The following LMX1B variants were observed in gnomAD, a reference collection of about 807,000 sequenced individuals.
LMX1B encodes LIM homeobox transcription factor 1 beta, also known as LIM homeobox transcription factor 1-beta.
LMX1B carries 12 observed loss-of-function variants against 51.4 expected under a neutral mutation model. The observed-to-expected ratio is 0.23, with a 90% confidence interval of 0.15 to 0.38. The LOEUF (loss-of-function observed/expected upper bound fraction) is 0.38. LMX1B is among the 10% of genes least tolerant of loss of function. The probability of loss-of-function intolerance (pLI) is 1.00; values close to 1 mark genes in which losing one functional copy is unlikely to be tolerated. For synonymous variants in LMX1B, 237 were observed against 235.4 expected (o/e 1.01, Z -0.06); for missense variants, 445 against 571.1 (o/e 0.78, Z 2.25).
intron 2 of LMX1B, among the ~76,000 whole-genome samples, chr9:126,678,047 A>G (rs1836598963): frequency 6.6e-6 from 1 of 152,330 alleles, no homozygotes; most frequent in Non-Finnish European, 1.5e-5. Flanking sequence ...ATGGTGGCTC[A>G]CGCCTGTAAT....
chr9:126,638,794 T>C (rs1436560286), intron 2 of LMX1B, among the ~76,000 whole-genome samples: 1 of 152,120 alleles, frequency 6.6e-6, no homozygotes, highest in East Asian at 1.9e-4. Flanking sequence ...GGGCGCCCGA[T>C]GTAACTGTAA....
intron 2 of LMX1B, among the ~76,000 whole-genome samples, chr9:126,659,182 C>G (rs1013673912): frequency 4.6e-5 from 7 of 152,262 alleles, no homozygotes; most frequent in African/African-American, 1.7e-4. Flanking sequence ...CCCCTTCCCC[C>G]ATAGAGAGTG....
chr9:126,649,625 G>T (rs899714826), intron 2 of LMX1B, among the ~76,000 whole-genome samples: 1 of 152,126 alleles, frequency 6.6e-6, no homozygotes, highest in Non-Finnish European at 1.5e-5. Flanking sequence ...AACCTCTGTT[G>T]TTTTATTTTT....
chr9:126,646,256 G>A (rs1436485537), intron 2 of LMX1B, among the ~76,000 whole-genome samples: 1 of 152,094 alleles, frequency 6.6e-6, no homozygotes, highest in Non-Finnish European at 1.5e-5. Context: ...GCAGGAAGGT[G>A]TGCCTGATCC....
intron 2 of LMX1B, among the ~76,000 whole-genome samples, chr9:126,663,423 CAAAAAAAAAAAAAAAG>C (rs1382460141): frequency 1.8e-5 from 2 of 112,732 alleles, no homozygotes; most frequent in African/African-American, 6.9e-5. Flanking sequence ...GACTCTTTCT[CAAAAAAAAAAAAAAAG>C]AAAAAAAAAA....
Position 126,632,304 on chromosome 9 carries a change from G to A in LMX1B, c.326+16735G>A, listed in dbSNP as rs370559215. On this transcript the variant is annotated intron_variant, in intron 2 of 7. Transcript: ENST00000373474. Reference sequence around the variant, plus strand: ...GCCAGCTTACGCCAGGCAGGTGCCCGTGAGATGGGAGGCTGCAGCTTGGGA... The same window carrying A: ...GCCAGCTTACGCCAGGCAGGTGCCCATGAGATGGGAGGCTGCAGCTTGGGA... 2.6e-4 allele frequency among the ~76,000 whole-genome samples: 40 copies of A among 152,232 alleles called. No homozygotes were observed. In the East Asian group the frequency reaches 5.0e-3, roughly 19 times the overall value.
At chr9:126,674,045 A>C (rs953955493) in intron 2 of LMX1B, among the ~76,000 whole-genome samples, 6 of 152,044 alleles carry the variant, frequency 3.9e-5, no homozygotes, top group African/African-American at 1.5e-4. Context: ...TGCCTCATCC[A>C]TGGGGTAGAA....
chr9:126,674,696 C>G (rs1836522053), intron 2 of LMX1B, among the ~76,000 whole-genome samples: 1 of 152,200 alleles, frequency 6.6e-6, no homozygotes, highest in Non-Finnish European at 1.5e-5. Context: ...GGGAGCCACT[C>G]CAGGTTTCCC....
At chr9:126,651,301 G>A (rs532071433) in intron 2 of LMX1B, among the ~76,000 whole-genome samples, 1 of 152,190 alleles carries the variant, frequency 6.6e-6, no homozygotes, top group East Asian at 1.9e-4. Flanking sequence ...AGGGACTGGG[G>A]GGGGTGGCTC....
chr9:126,691,140 G>A (rs953860745), intron 3 of LMX1B, 72 bp downstream of exon 3: 65 of 1,194,348 alleles, frequency 5.4e-5, no homozygotes, highest in African/African-American at 1.5e-4. Context: ...GGGGAGTCCC[G>A]GCTGGAGAAG....
Position 126,615,976 on chromosome 9 carries a change from G to C in LMX1B, c.326+407G>C, listed in dbSNP as rs1835296740. Among the ~76,000 whole-genome samples, 1 of 152,220 alleles carries C rather than the reference G, an allele frequency of 6.6e-6. No homozygotes were observed. Among genetic ancestry groups the C allele is most frequent in the Admixed American group, 6.5e-5 (1 of 15,286 alleles). ...AAGGGCCTGGTGTGTGGGGGTTTGG[G>C]ATTCCTGGAGCCTGGAGCCAGGAGC... On this transcript the variant is annotated intron_variant, in intron 2 of 7. Coordinates refer to ENST00000373474, the MANE Select transcript of LMX1B (RefSeq NM_001174147.2). This position sits in a 1 kb window ranked among gnomAD's most constrained non-coding sequence, Gnocchi z 6.0.
At chr9:126,690,637 C>G (rs1387840316) in intron 2 of LMX1B, among the ~76,000 whole-genome samples, 199 bp from the exon 3 acceptor site, 1 of 152,222 alleles carries the variant, frequency 6.6e-6, no homozygotes, top group African/African-American at 2.4e-5. Flanking sequence ...CAGCACCCAC[C>G]CCAGGGCCAC....
At chr9:126,672,306 A>G (rs557840271) in intron 2 of LMX1B, among the ~76,000 whole-genome samples, 1 of 152,272 alleles carries the variant, frequency 6.6e-6, no homozygotes, top group East Asian at 1.9e-4. Context: ...AGTTTCTCCC[A>G]CGGAATAATG....
rs1194619521 is a variant in LMX1B at position 126,615,079 on chromosome 9, A to G, written c.140-304A>G. On this transcript the variant is annotated intron_variant, in intron 1 of 7. Transcript: ENST00000373474. The surrounding 1 kb of genome is among the most constrained non-coding windows in gnomAD (Gnocchi z 6.0). ...TCGCCTGTCTTGGTCCCAGCCGGCC[A>G]CCCTGCGCCGTGCTCGTTGTCATTT... is the stretch of plus-strand genomic sequence containing the variant. Among the ~76,000 whole-genome samples, 4 of 151,824 alleles carry G rather than the reference A, an allele frequency of 2.6e-5. No homozygotes were observed. The highest frequency in any genetic ancestry group is 9.7e-5 in the African/African-American group (4 of 41,346).
intron 2 of LMX1B, among the ~76,000 whole-genome samples, chr9:126,684,210 C>G (rs758074637): frequency 1.1e-4 from 17 of 152,126 alleles, no homozygotes; most frequent in Admixed American, 2.6e-4. Context: ...TGGAGAGGCC[C>G]TAAAGGAAAC....
chr9:126,699,238 G>C lies in LMX1B; in HGVS notation c.*2787G>C, dbSNP rs1039322867. On this transcript the variant is annotated 3_prime_UTR_variant, in exon 8 of 8. Transcript: ENST00000373474. ...TGAGGCAAGAGAGGGAAAGAGGCCT[G>C]TCCAAGGTCCGGGTTAGTGACAGAG... 6.6e-6 allele frequency: 1 copy of C among 152,214 alleles called. No homozygotes were observed. The highest frequency in any genetic ancestry group is 1.5e-5 in the Non-Finnish European group (1 of 68,058). The allele number at this position is 152,214 out of a possible 1,614,324, so 9.4% of individuals were successfully genotyped here. A position where few individuals can be genotyped will look rare whatever the true frequency, so the allele number is the denominator to read the frequency against.
chr9:126,680,726 A>T lies in LMX1B; in HGVS notation c.327-10110A>T, dbSNP rs367805743. ...CGTTAGATGAATGGGTGAATCACCA[A>T]ATCATCAAATGTATTGAATTCACTA... On this transcript the variant is annotated intron_variant, in intron 2 of 7. Coordinates refer to ENST00000373474, the MANE Select transcript of LMX1B (RefSeq NM_001174147.2). 2.0e-4 allele frequency among the ~76,000 whole-genome samples: 30 copies of T among 152,282 alleles called. No individual in the cohort carries two copies. The East Asian group carries it at 2.3e-3, about 12-fold the overall frequency.
intron 2 of LMX1B, among the ~76,000 whole-genome samples, chr9:126,636,886 C>T (rs1042116461): frequency 2.0e-5 from 3 of 152,156 alleles, no homozygotes; most frequent in Non-Finnish European, 2.9e-5. Context: ...CATGTATGTG[C>T]GAGTGTGTCT....
chr9:126,643,901 C>T (rs1835852918), intron 2 of LMX1B, among the ~76,000 whole-genome samples: 2 of 152,328 alleles, frequency 1.3e-5, no homozygotes, highest in Middle Eastern at 3.4e-3. Flanking sequence ...AGGTAGACGC[C>T]ACTTTCATGC....
Sources: gnomAD v4.1 joint callset for allele counts (sites outside exome capture counted in the v4.1 genomes callset) on GRCh38, gnomAD v4.1.1 for gene constraint, Gnocchi (gnomAD v3.1) non-coding constraint, MANE v1.5 for transcripts, NCBI Gene and HGNC (gene_info 2026-07-23, HGNC 2026-07-21) for gene names.